TRIO: variants seen among roughly 807,000 people sequenced by gnomAD.
TRIO encodes the protein triple functional domain protein.
A neutral mutation model predicts 351.9 loss-of-function variants in TRIO; 58 were observed. The observed-to-expected ratio is 0.16, with a 90% CI of 0.13 to 0.21. TRIO has a LOEUF of 0.21. TRIO is among the 10% of genes least tolerant of loss of function. The pLI, the probability that TRIO is intolerant of heterozygous loss-of-function variation, is 1.00. For missense variants in TRIO, 3,201 were observed against 4,027.8 expected, an observed-to-expected ratio of 0.79 and a Z score of 5.56; for synonymous variants, 1,758 against 1,595.7, an observed-to-expected ratio of 1.10 and a Z score of -2.42.
At position 14,461,354 on chromosome 5, in the gene TRIO, G is replaced by A. The variant is rs369100378; in HGVS notation, c.5496+43G>A. On this transcript the variant is annotated intron_variant, in intron 35 of 56. Transcript: ENST00000344204. ...GGTTGGGGCCGGCGTGGCGGGGCCC[G>A]CTGGGCTTTTGCTGCAAGAATAGTT... 5,925 of 1,465,198 alleles carry A rather than the reference G, an allele frequency of 4.0e-3. 29 individuals are homozygous for A. The highest frequency in any genetic ancestry group is 5.7e-3 in the South Asian group (392 of 68,552). 90.8% of individuals were successfully genotyped at this position (1,465,198 alleles called of 1,614,324 possible).
intron 34 of TRIO, among the ~76,000 whole-genome samples, chr5:14,432,783 A>G (rs1483183800): frequency 6.6e-6 from 1 of 152,174 alleles, no homozygotes; most frequent in East Asian, 1.9e-4. Context: ...TTTTTGCCCC[A>G]AAACTATTAT....
Position 14,508,302 on chromosome 5 carries a change from G to A in TRIO, c.9174G>A (p.Thr3058=), listed in dbSNP as rs138380178. The change falls in exon 57 of 57, where the codon ACG becomes ACA. Residue 3058 remains threonine, a synonymous_variant. Transcript: ENST00000344204. ...QWLQAGNGRS[T]GVLDTSRLTS... is the part of the protein sequence containing the mutation. ...TGCAGGCCGGCAACGGCAGAAGCAC[G>A]GGCGTCCTCGACACGTCCAGACTGA... 6.7e-5 allele frequency: 108 copies of A among 1,613,788 alleles called. No individual in the cohort carries two copies. The highest frequency in any genetic ancestry group is 2.6e-4 in the South Asian group (24 of 91,094).
At chr5:14,230,571 A>G (rs1003156773) in intron 1 of TRIO, among the ~76,000 whole-genome samples, 8 of 152,154 alleles carry the variant, frequency 5.3e-5, no homozygotes, top group African/African-American at 1.9e-4. Context: ...GGATGATAAA[A>G]GCAGCTGAAC....
intron 31 of TRIO, among the ~76,000 whole-genome samples, chr5:14,403,348 GCTT>G (rs1432746490): frequency 2.1e-5 from 2 of 95,272 alleles, no homozygotes; most frequent in African/African-American, 1.8e-4. Context: ...TGAGGGTGCA[GCTT>G]GTGAGGGTGC....
At position 14,487,739 on chromosome 5, in the gene TRIO, AC is replaced by A. The variant is rs1177359280; in HGVS notation, c.7116del (p.Ser2375ProfsTer38). The A allele has an allele frequency of 6.4e-6, 9 of 1,411,412 alleles. No individual in the cohort carries two copies. The highest frequency in any genetic ancestry group is 4.5e-5 in the South Asian group (3 of 66,346). 87.4% of individuals were successfully genotyped at this position (1,411,412 alleles called of 1,614,324 possible). A position where few individuals can be genotyped will look rare whatever the true frequency, so the allele number is the denominator to read the frequency against. On this transcript the variant is annotated frameshift_variant, in exon 48 of 57. Coordinates refer to ENST00000344204, the MANE Select transcript of TRIO (RefSeq NM_007118.4). LOFTEE classifies it high-confidence loss of function. ...AEADKMSGTS[T>X]PGPSLPPPGA... ...GGCAGACAAGATGTCAGGTACGTCC[AC>A]CCCCGGGCCCTCCCTGCCTCCCCCT...
At chr5:14,388,222 T>G (rs1746716663) in intron 23 of TRIO, among the ~76,000 whole-genome samples, 1 of 152,202 alleles carries the variant, frequency 6.6e-6, no homozygotes, top group Non-Finnish European at 1.5e-5. Flanking sequence ...CCAGTGGTTC[T>G]TAATTGGCAG....
intron 34 of TRIO, among the ~76,000 whole-genome samples, chr5:14,439,673 C>T (rs1217899388): frequency 2.0e-5 from 3 of 152,104 alleles, no homozygotes; most frequent in Non-Finnish European, 4.4e-5. Flanking sequence ...AAAATGTGCT[C>T]TGTGCAGAAC....
intron 28 of TRIO, among the ~76,000 whole-genome samples, chr5:14,394,653 C>T (rs1169627440): frequency 6.6e-6 from 1 of 152,132 alleles, no homozygotes; most frequent in East Asian, 1.9e-4. Flanking sequence ...TTGCTTGTCC[C>T]TGATGTCACA....
At chr5:14,391,721 G>A (rs1487318504) in intron 27 of TRIO, among the ~76,000 whole-genome samples, 2 of 152,246 alleles carry the variant, frequency 1.3e-5, no homozygotes, top group Non-Finnish European at 2.9e-5. Context: ...AGGTTGTGAG[G>A]ATGTTGGACT....
chr5:14,471,229 T>G, intron 37 of TRIO, 89 bp from the exon 38 acceptor site: 1 of 1,392,740 alleles, frequency 7.2e-7, no homozygotes, highest in South Asian at 1.8e-5. Context: ...TTTTCTGTAT[T>G]TTCTGACTTT....
chr5:14,324,631 T>C (rs1485145995), intron 9 of TRIO, among the ~76,000 whole-genome samples: 1 of 152,208 alleles, frequency 6.6e-6, no homozygotes, highest in Non-Finnish European at 1.5e-5. Context: ...GAGCTTGGAG[T>C]TGAGAAGACC....
At chr5:14,414,573 C>T (rs938706670) in intron 33 of TRIO, among the ~76,000 whole-genome samples, 11 of 152,126 alleles carry the variant, frequency 7.2e-5, no homozygotes, top group African/African-American at 2.7e-4. Flanking sequence ...GTATGGTAAG[C>T]TGCTGGTTTT....
At chr5:14,292,864 A>G in intron 5 of TRIO, 148 bp from the exon 6 acceptor site, 1 of 1,126,734 alleles carries the variant, frequency 8.9e-7, no homozygotes, top group Non-Finnish European at 1.3e-6. Flanking sequence ...TTGTTCTTCG[A>G]AGTAAAGACT....
At position 14,487,993 on chromosome 5, in the gene TRIO, G is replaced by T. The variant is rs781657818; in HGVS notation, c.7365G>T (p.Ser2455=). The change falls in exon 48 of 57, where the codon TCG becomes TCT. Residue 2455 remains serine, a synonymous_variant. Transcript: ENST00000344204. ...GGAAGCCCCGGGCCGGGGCCGCTTC[G>T]CCGCTGAACTCGCCGCTCTCCAGCG... ...PLGKPRAGAA[S]PLNSPLSSAV... is the part of the protein sequence containing the mutation. 1 of 1,563,436 alleles carries T rather than the reference G, an allele frequency of 6.4e-7. No homozygotes were observed. Among genetic ancestry groups the T allele is most frequent in the Non-Finnish European group, 8.7e-7 (1 of 1,155,262 alleles).
chr5:14,479,450 A>G (rs1003275943), intron 42 of TRIO, 100 bp downstream of exon 42: 1 of 1,017,158 alleles, frequency 9.8e-7, no homozygotes, highest in South Asian at 1.6e-5. Flanking sequence ...ACTAATTTCC[A>G]AAGAAAATTA....
At chr5:14,178,306 A>G (rs957896950) in intron 1 of TRIO, among the ~76,000 whole-genome samples, 2 of 152,226 alleles carry the variant, frequency 1.3e-5, no homozygotes, top group Non-Finnish European at 2.9e-5. Flanking sequence ...GAGAAAATGA[A>G]TAATATTCAA....
At chr5:14,468,469 G>A (rs1408312625) in intron 37 of TRIO, among the ~76,000 whole-genome samples, 1 of 152,250 alleles carries the variant, frequency 6.6e-6, no homozygotes, top group African/African-American at 2.4e-5. Context: ...GGAGAACCAT[G>A]TTTGTACTTT....
In TRIO at chr5:14,152,991, A is replaced by C. The variant is rs546180461; in HGVS notation, c.157+9109A>C. Among the ~76,000 whole-genome samples the C allele has an allele frequency of 3.3e-4, 50 of 152,344 alleles. No homozygotes were observed. The South Asian group carries it at 7.2e-3, about 22-fold the overall frequency. Reference sequence around the variant, plus strand: ...GGATTCATTGTTAGGCCTTTCTCTCATACCTCATGGGTATTGTTTATTAGG... The same window carrying C: ...GGATTCATTGTTAGGCCTTTCTCTCCTACCTCATGGGTATTGTTTATTAGG... On this transcript the variant is annotated intron_variant, in intron 1 of 56. Coordinates refer to ENST00000344204, the MANE Select transcript of TRIO (RefSeq NM_007118.4).
chr5:14,229,709 C>A (rs1053000221), intron 1 of TRIO, among the ~76,000 whole-genome samples: 2 of 152,092 alleles, frequency 1.3e-5, no homozygotes, highest in Non-Finnish European at 2.9e-5. Flanking sequence ...CATTGTGTAA[C>A]GCTCATTGTA....
Sources: gnomAD v4.1 joint callset for allele counts (sites outside exome capture counted in the v4.1 genomes callset) on GRCh38, gnomAD v4.1.1 for gene constraint, MANE v1.5 for transcripts, NCBI Gene and HGNC (gene_info 2026-07-23, HGNC 2026-07-21) for gene names.